The following NDUFB7 variants were observed in gnomAD, a reference collection of about 807,000 sequenced individuals.
The protein encoded by NDUFB7 is NADH:ubiquinone oxidoreductase subunit B7, also known as NADH dehydrogenase [ubiquinone] 1 beta subcomplex subunit 7.
Under a neutral mutation model 14.7 loss-of-function variants are expected in NDUFB7, and 18 were observed. That is an observed-to-expected ratio of 1.22 (90% CI 0.85 to 1.81). The LOEUF is 1.81. Ranked by LOEUF, NDUFB7 falls within the 40% of genes most tolerant of loss-of-function variation. The pLI, the probability that NDUFB7 is intolerant of heterozygous loss-of-function variation, is 0.00. For missense variants in NDUFB7, 219 were observed against 195.0 expected, an observed-to-expected ratio of 1.12 and a Z score of -0.73; for synonymous variants, 86 against 76.1, an observed-to-expected ratio of 1.13 and a Z score of -0.68.
rs562779821 is a variant in NDUFB7, at chr19:14,571,259, A to G, written c.112+630T>C. On this transcript the variant is annotated intron_variant, in intron 1 of 2. Coordinates refer to ENST00000215565, the MANE Select transcript of NDUFB7 (RefSeq NM_004146.6). ...GCAGTGACATCAGGAAGGGGGTACA[A>G]TGAACGTGTCCCTGCCCTCCCATGA... 2.6e-5 allele frequency among the ~76,000 whole-genome samples: 4 copies of G among 152,238 alleles called. No individual in the cohort carries two copies. In the South Asian group the frequency reaches 8.3e-4, roughly 32 times the overall value.
intron 2 of NDUFB7, 122 bp from the exon 3 acceptor site, chr19:14,566,387 G>A (rs2074085426): frequency 2.0e-6 from 3 of 1,488,320 alleles, no homozygotes; most frequent in Admixed American, 1.8e-5. Context: ...AGACATGTCC[G>A]AGTGCCTGTG....
At position 14,566,818 on chromosome 19, in the gene NDUFB7, G is replaced by A. The variant is rs1186327679; in HGVS notation, c.228C>T (p.Asn76=). The A allele has an allele frequency of 6.5e-7, 1 of 1,550,072 alleles. No individual in the cohort carries two copies. Among genetic ancestry groups the A allele is most frequent in the African/African-American group, 1.4e-5 (1 of 73,076 alleles). The part of the protein sequence containing the change: ...LLKCKRDSFP[N]FLACKQERHD... The stretch of plus-strand genomic sequence containing the variant: ...GCCGCTCCTGCTTGCAGGCCAGGAA[G>A]TTGGGGAAGCTGTCACGCTTGCACT... Residue 76 remains asparagine (N), a synonymous_variant, in exon 2 of 3, where the codon AAC becomes AAT. Transcript: ENST00000215565.
Position 14,567,031 on chromosome 19 carries a change from G to T in NDUFB7, c.113-98C>A. On this transcript the variant is annotated intron_variant, in intron 1 of 2. Transcript: ENST00000215565. This position sits in a 1 kb window ranked among gnomAD's most constrained non-coding sequence, Gnocchi z 5.1. Reference sequence around the variant, plus strand: ...AGGCACACGGCTTCAGGAAGGCACGGCTTGGGGTGTCCCCCATTCACATCC... The same window carrying T: ...AGGCACACGGCTTCAGGAAGGCACGTCTTGGGGTGTCCCCCATTCACATCC... 1.6e-6 allele frequency: 2 copies of T among 1,263,548 alleles called. No homozygotes were observed. Among genetic ancestry groups the T allele is most frequent in the African/African-American group, 1.5e-5 (1 of 67,308 alleles). 78.3% of individuals were successfully genotyped at this position (1,263,548 alleles called of 1,614,324 possible). A position where few individuals can be genotyped will look rare whatever the true frequency, so the allele number is the denominator to read the frequency against.
At chr19:14,570,142 C>T (rs1312719948) in intron 1 of NDUFB7, among the ~76,000 whole-genome samples, 2 of 151,982 alleles carry the variant, frequency 1.3e-5, no homozygotes, top group Non-Finnish European at 2.9e-5. Flanking sequence ...GGTGATCCAC[C>T]GGCCTTGGCC....
intron 2 of NDUFB7, 29 bp downstream of exon 2, chr19:14,566,736 G>A: frequency 1.3e-6 from 2 of 1,527,006 alleles, no homozygotes; most frequent in Non-Finnish European, 1.8e-6. Flanking sequence ...GCGGGCCGGG[G>A]TGTTGGGGGC....
Position 14,567,436 on chromosome 19 carries a change from C to T in NDUFB7, c.113-503G>A, listed in dbSNP as rs935919825. Among the ~76,000 whole-genome samples the T allele has an allele frequency of 5.3e-5, 8 of 152,112 alleles. No individual in the cohort carries two copies. In the East Asian group the frequency reaches 9.6e-4, roughly 18 times the overall value. On this transcript the variant is annotated intron_variant, in intron 1 of 2. Coordinates refer to ENST00000215565, the MANE Select transcript of NDUFB7 (RefSeq NM_004146.6). This position sits in a 1 kb window ranked among gnomAD's most constrained non-coding sequence, Gnocchi z 5.1. ...TCTCTCAGCCTCAGAACTGACCATC[C>T]GGTCATGGAAGTTACCCGAGCATCC...
Position 14,567,778 on chromosome 19 carries a change from C to T in NDUFB7, c.113-845G>A, listed in dbSNP as rs1034377964. 1.3e-5 allele frequency among the ~76,000 whole-genome samples: 2 copies of T among 152,124 alleles called. No homozygotes were observed. Among genetic ancestry groups the T allele is most frequent in the Non-Finnish European group, 2.9e-5 (2 of 68,024 alleles). ...GATATATTCACATCTCAATGGCAGT[C>T]GTCCCCTGCTGGCTTCTCTCCCCTT... On this transcript the variant is annotated intron_variant, in intron 1 of 2. Coordinates refer to ENST00000215565, the MANE Select transcript of NDUFB7 (RefSeq NM_004146.6). This position sits in a 1 kb window ranked among gnomAD's most constrained non-coding sequence, Gnocchi z 5.1.
At chr19:14,571,799 G>C (rs1880523496) in intron 1 of NDUFB7, 90 bp downstream of exon 1, 1 of 1,235,624 alleles carries the variant, frequency 8.1e-7, no homozygotes, top group Admixed American at 2.0e-5. Context: ...TGAGGTTAGA[G>C]CCCAGCCCTG....
rs750249874 is a variant in NDUFB7 at position 14,572,036 on chromosome 19, G to A, written c.-36C>T. On this transcript the variant is annotated 5_prime_UTR_variant, in exon 1 of 3. Coordinates refer to ENST00000215565, the MANE Select transcript of NDUFB7 (RefSeq NM_004146.6). Reference sequence around the variant, plus strand: ...GCTGCAGATCCCTGCAGCAGCCGAGGGTCACCTAGCTCCTACCCGGAACCA... The same window carrying A: ...GCTGCAGATCCCTGCAGCAGCCGAGAGTCACCTAGCTCCTACCCGGAACCA... The A allele has an allele frequency of 2.2e-5, 33 of 1,508,638 alleles. No individual in the cohort carries two copies. The highest frequency in any genetic ancestry group is 2.7e-5 in the Non-Finnish European group (30 of 1,111,466). 93.5% of individuals were successfully genotyped at this position (1,508,638 alleles called of 1,614,324 possible). A position where few individuals can be genotyped will look rare whatever the true frequency, so the allele number is the denominator to read the frequency against.
At chr19:14,568,279 A>G (rs1341231008) in intron 1 of NDUFB7, among the ~76,000 whole-genome samples, 1 of 152,182 alleles carries the variant, frequency 6.6e-6, no homozygotes, top group Non-Finnish European at 1.5e-5. Context: ...TCCTGACCTC[A>G]GGTGATCCAC....
intron 1 of NDUFB7, among the ~76,000 whole-genome samples, chr19:14,568,140 G>A (rs1187209919): frequency 1.3e-5 from 2 of 152,198 alleles, no homozygotes; most frequent in Admixed American, 6.5e-5. Context: ...TGTCTCCCAG[G>A]TTCAAGCAAT....
At position 14,567,396 on chromosome 19, in the gene NDUFB7, C is replaced by T. The variant is rs945746472; in HGVS notation, c.113-463G>A. Among the ~76,000 whole-genome samples the T allele has an allele frequency of 6.3e-5, 7 of 110,604 alleles. No individual in the cohort carries two copies. Among genetic ancestry groups the T allele is most frequent in the African/African-American group, 1.1e-4 (3 of 26,596 alleles). The allele number at this position is 110,604 out of a possible 152,430, so 72.6% of individuals were successfully genotyped here. ...ACCCAAGGCCCAGCTCTGCACTGGC[C>T]GGCGGCGTGGCCTCTCTCTCAGCCT... On this transcript the variant is annotated intron_variant, in intron 1 of 2. Transcript: ENST00000215565. This position sits in a 1 kb window ranked among gnomAD's most constrained non-coding sequence, Gnocchi z 5.1.
intron 1 of NDUFB7, among the ~76,000 whole-genome samples, chr19:14,571,412 A>C (rs1349389339): frequency 6.6e-6 from 1 of 152,000 alleles, no homozygotes; most frequent in Non-Finnish European, 1.5e-5. Context: ...CCTGGCCAAC[A>C]AGGAGAAACC....
At chr19:14,570,189 G>A (rs192561952) in intron 1 of NDUFB7, among the ~76,000 whole-genome samples, 46 of 151,116 alleles carry the variant, frequency 3.0e-4, no homozygotes, top group Admixed American at 1.5e-3. Flanking sequence ...AAGCCACCGT[G>A]CCCGGCTTAA....
chr19:14,569,922 G>A (rs1004882765), intron 1 of NDUFB7, among the ~76,000 whole-genome samples: 15 of 152,148 alleles, frequency 9.9e-5, no homozygotes, highest in Middle Eastern at 3.4e-3. Flanking sequence ...AGACAGTCTC[G>A]CTCTGTCACC....
At position 14,566,203 on chromosome 19, in the gene NDUFB7, C is replaced by T. The variant is rs776346645; in HGVS notation, c.344G>A (p.Arg115Gln). ...GGCCAACTCTGCCGCCTTCTTCTCC[C>T]GCCGCTTCTTCCGCTGGAGCAGCCT... ...ERRLLQRKKR[R>Q]EKKAAELAKG... Residue 115 changes from arginine (R) to glutamine (Q), a missense_variant, in exon 3 of 3, where the codon CGG (arginine) becomes CAG (glutamine). Physicochemically the swap from Arg to Gln is conservative, Grantham distance 43. Transcript: ENST00000215565. The T allele has an allele frequency of 1.9e-6, 3 of 1,613,918 alleles. No homozygotes were observed. Among genetic ancestry groups the T allele is most frequent in the African/African-American group, 2.7e-5 (2 of 74,934 alleles).
intron 1 of NDUFB7, among the ~76,000 whole-genome samples, chr19:14,568,265 G>A (rs1282030952): frequency 4.6e-5 from 7 of 152,168 alleles, no homozygotes; most frequent in Non-Finnish European, 8.8e-5. Flanking sequence ...GGCTGGTCTT[G>A]AACTCCTGAC....
chr19:14,571,056 G>T (rs1397191823), intron 1 of NDUFB7, among the ~76,000 whole-genome samples: 2 of 152,128 alleles, frequency 1.3e-5, no homozygotes, highest in Admixed American at 6.6e-5. Flanking sequence ...TACTCGGGAG[G>T]CTGAGGCGGG....
chr19:14,570,862 C>G (rs75977344), intron 1 of NDUFB7, among the ~76,000 whole-genome samples: 1 of 152,076 alleles, frequency 6.6e-6, no homozygotes, highest in Non-Finnish European at 1.5e-5. Context: ...AACAAACACA[C>G]GAACCAAAAA....
Sources: gnomAD v4.1 joint callset for allele counts (sites outside exome capture counted in the v4.1 genomes callset) on GRCh38, gnomAD v4.1.1 for gene constraint, Gnocchi (gnomAD v3.1) non-coding constraint, MANE v1.5 for transcripts, NCBI Gene and HGNC (gene_info 2026-07-23, HGNC 2026-07-21) for gene names.